MLLT10: variants seen among roughly 807,000 people sequenced by gnomAD.
The protein encoded by MLLT10 is protein AF-10.
A neutral mutation model predicts 129.1 loss-of-function variants in MLLT10; 30 were observed. That is an observed-to-expected ratio of 0.23 (90% CI 0.17 to 0.32). The LOEUF (loss-of-function observed/expected upper bound fraction) is 0.32, where lower values mean the gene tolerates loss of function less well. Ranked by LOEUF, MLLT10 falls within the 10% of genes least tolerant of loss-of-function variation. The pLI, the probability that MLLT10 is intolerant of heterozygous loss-of-function variation, is 1.00. For missense variants in MLLT10, 1,119 were observed against 1,268.3 expected (o/e 0.88, Z 1.79); for synonymous variants, 490 against 446.4 (o/e 1.10, Z -1.23).
At chr10:21,656,966 C>A (rs1051140700) in intron 9 of MLLT10, among the ~76,000 whole-genome samples, 7 of 152,134 alleles carry the variant, frequency 4.6e-5, no homozygotes, top group Non-Finnish European at 8.8e-5. Flanking sequence ...TTTAATATGA[C>A]AAAACAAGTA....
intron 8 of MLLT10, 59 bp from the exon 9 acceptor site, chr10:21,651,614 G>A: frequency 8.6e-7 from 1 of 1,156,232 alleles, no homozygotes; most frequent in East Asian, 2.4e-5. Context: ...AAAAATCTCT[G>A]TTGCATATAT....
At chr10:21,708,828 C>T in intron 13 of MLLT10, 1 of 750,842 alleles carries the variant, frequency 1.3e-6, no homozygotes, top group Non-Finnish European at 1.6e-6. Context: ...CTGGTAGTTA[C>T]AACAGTGTAC....
chr10:21,632,985 T>TA (rs752110985), intron 8 of MLLT10, among the ~76,000 whole-genome samples: 27 of 152,170 alleles, frequency 1.8e-4, no homozygotes, highest in Non-Finnish European at 3.1e-4. Flanking sequence ...TCAAAGAACT[T>TA]AGAGTTCCTT....
chr10:21,676,009 T>A (rs1274613548), intron 11 of MLLT10, among the ~76,000 whole-genome samples: 1 of 152,192 alleles, frequency 6.6e-6, no homozygotes, highest in Admixed American at 6.5e-5. Context: ...AAGAATTCGT[T>A]TCTCTTACCT....
At chr10:21,631,920 GTTTTTTTTTTGGTT>G (rs2047049443) in intron 8 of MLLT10, among the ~76,000 whole-genome samples, 1 of 125,322 alleles carries the variant, frequency 8.0e-6, no homozygotes, top group African/African-American at 3.4e-5. Flanking sequence ...AACTTGAAGA[GTTTTTTTTTTGGTT>G]TTTTTTTTTT....
At chr10:21,711,209 G>A (rs1419084581) in intron 13 of MLLT10, among the ~76,000 whole-genome samples, 1 of 152,084 alleles carries the variant, frequency 6.6e-6, no homozygotes, top group Admixed American at 6.5e-5. Context: ...GATCACCTGA[G>A]GTCAGGAGTT....
rs147426283 is a variant in MLLT10 at position 21,599,492 on chromosome 10, A to G, written c.405+4052A>G. Reference sequence around the variant, plus strand: ...TTCTCCAAATCTAGCCCAACAAAACAGGGTTCATTTTAATTTTTTCCCCCA... The same window carrying G: ...TTCTCCAAATCTAGCCCAACAAAACGGGGTTCATTTTAATTTTTTCCCCCA... On this transcript the variant is annotated intron_variant, in intron 5 of 22. Transcript: ENST00000307729. 3.9e-5 allele frequency among the ~76,000 whole-genome samples: 6 copies of G among 152,270 alleles called. No individual in the cohort carries two copies. The East Asian group carries it at 9.7e-4, about 25-fold the overall frequency.
At chr10:21,724,798 G>A (rs569840067) in intron 14 of MLLT10, among the ~76,000 whole-genome samples, 7 of 152,154 alleles carry the variant, frequency 4.6e-5, no homozygotes, top group South Asian at 2.1e-4. Flanking sequence ...AGTGGATTAC[G>A]CAATACTTTG....
At chr10:21,697,410 G>A (rs765004127) in intron 13 of MLLT10, among the ~76,000 whole-genome samples, 1 of 152,194 alleles carries the variant, frequency 6.6e-6, no homozygotes, top group Non-Finnish European at 1.5e-5. Context: ...TGGTTGCAGT[G>A]AGCTGAGATT....
intron 3 of MLLT10, among the ~76,000 whole-genome samples, chr10:21,578,528 T>C (rs958600711): frequency 1.3e-5 from 2 of 152,218 alleles, no homozygotes; most frequent in African/African-American, 4.8e-5. Context: ...CTAAAAACTG[T>C]TGTTTAACCG....
chr10:21,713,884 G>C lies in MLLT10; in HGVS notation c.1812G>C (p.Leu604Phe). 6.2e-7 allele frequency: 1 copy of C among 1,613,946 alleles called. No homozygotes were observed. The highest frequency in any genetic ancestry group is 8.5e-7 in the Non-Finnish European group (1 of 1,179,920). ...SHLPQQSSGH[L>F]QQVGALSPSA... is the part of the protein sequence containing the mutation. ...TACCTCAGCAGTCTTCTGGGCATTTGCAACAAGTAGGAGCGCTCTCTCCCT... is the reference window on the plus strand; with the variant it reads ...TACCTCAGCAGTCTTCTGGGCATTTCCAACAAGTAGGAGCGCTCTCTCCCT... The change falls in exon 14 of 23, where the codon TTG (leucine) becomes TTC (phenylalanine). Residue 604 changes from leucine (L) to phenylalanine (F), a missense_variant. Leu to Phe is a conservative substitution (Grantham distance 22, BLOSUM62 0). This residue lies in a region of MLLT10 where 1,004 missense variants were observed against 1,008.7 expected (regional missense o/e 1.00). Transcript: ENST00000307729.
rs115666297 is a variant in MLLT10, at chr10:21,644,232, A to G, written c.700-7441A>G. Among the ~76,000 whole-genome samples, 582 of 152,252 alleles carry G rather than the reference A, an allele frequency of 3.8e-3. 5 individuals are homozygous for G. The highest frequency in any genetic ancestry group is 0.013 in the African/African-American group (547 of 41,560). On this transcript the variant is annotated intron_variant, in intron 8 of 22. Coordinates refer to ENST00000307729, the MANE Select transcript of MLLT10 (RefSeq NM_001195626.3). ...TGCTTCTAGGTTGTGATATTTGGCT[A>G]TCTCATGCACATTAGACTCTGTATT...
intron 3 of MLLT10, among the ~76,000 whole-genome samples, chr10:21,563,720 C>G (rs187765110): frequency 6.6e-6 from 1 of 151,936 alleles, no homozygotes; most frequent in Non-Finnish European, 1.5e-5. Flanking sequence ...ATAAACATTA[C>G]ATGGGTTTTC....
At chr10:21,571,113 A>G (rs1392430822) in intron 3 of MLLT10, among the ~76,000 whole-genome samples, 1 of 152,144 alleles carries the variant, frequency 6.6e-6, no homozygotes, top group Admixed American at 6.6e-5. Context: ...CATATCTACA[A>G]TGTGATATAA....
At position 21,742,441 on chromosome 10, in the gene MLLT10, CA is replaced by C; in HGVS notation, c.*460del. 4.6e-6 allele frequency: 1 copy of C among 218,336 alleles called. No homozygotes were observed. Among genetic ancestry groups the C allele is most frequent in the African/African-American group, 2.2e-5 (1 of 44,678 alleles). 13.5% of individuals were successfully genotyped at this position (218,336 alleles called of 1,614,324 possible). A position where few individuals can be genotyped will look rare whatever the true frequency, so the allele number is the denominator to read the frequency against. On this transcript the variant is annotated 3_prime_UTR_variant, in exon 23 of 23. Coordinates refer to ENST00000307729, the MANE Select transcript of MLLT10 (RefSeq NM_001195626.3). ...AGTATGCTTGCTCTAAGTCAAATTC[CA>C]AGGAACTAATTTCTTCTCCTGGAGT...
chr10:21,638,862 C>A (rs1036286438), intron 8 of MLLT10, among the ~76,000 whole-genome samples: 1 of 152,124 alleles, frequency 6.6e-6, no homozygotes, highest in Non-Finnish European at 1.5e-5. Context: ...TCCTCTCCAC[C>A]TAACCAGAGT....
At chr10:21,537,713 C>G (rs2034310551) in intron 2 of MLLT10, among the ~76,000 whole-genome samples, 1 of 152,184 alleles carries the variant, frequency 6.6e-6, no homozygotes, top group Admixed American at 6.5e-5. Flanking sequence ...AGGTGATCCT[C>G]CTGCCTCGGC....
intron 9 of MLLT10, among the ~76,000 whole-genome samples, chr10:21,652,694 G>A (rs985574712): frequency 6.6e-6 from 1 of 152,150 alleles, no homozygotes; most frequent in Non-Finnish European, 1.5e-5. Flanking sequence ...CGAAAAGTGA[G>A]CTACTGGAGG....
chr10:21,622,039 A>G (rs552707538), intron 8 of MLLT10, among the ~76,000 whole-genome samples: 2 of 152,152 alleles, frequency 1.3e-5, no homozygotes, highest in Admixed American at 1.3e-4. Flanking sequence ...TTCAAGCTGT[A>G]TTAGCACTGG....
Sources: gnomAD v4.1 joint callset for allele counts (sites outside exome capture counted in the v4.1 genomes callset) on GRCh38, gnomAD v4.1.1 for gene constraint, gnomAD v4.1.1 regional missense constraint, MANE v1.5 for transcripts, NCBI Gene and HGNC (gene_info 2026-07-23, HGNC 2026-07-21) for gene names.